IQSEC1: variants seen among roughly 807,000 people sequenced by gnomAD.
IQSEC1 encodes the protein IQ motif and Sec7 domain ArfGEF 1.
A neutral mutation model predicts 91.0 loss-of-function variants in IQSEC1; 31 were observed. That is an observed-to-expected ratio of 0.34 (90% CI 0.26 to 0.46). The LOEUF (loss-of-function observed/expected upper bound fraction) is 0.46. Ranked by LOEUF, IQSEC1 falls within the 20% of genes least tolerant of loss-of-function variation. The pLI is 1.00. For missense variants in IQSEC1, 1,388 were observed against 1,575.6 expected, an observed-to-expected ratio of 0.88 and a Z score of 2.02; for synonymous variants, 699 against 662.6, an observed-to-expected ratio of 1.05 and a Z score of -0.84.
Position 12,908,608 on chromosome 3 carries a change from C to T in IQSEC1, c.2579-83G>A. 6.9e-7 allele frequency: 1 copy of T among 1,457,124 alleles called. No homozygotes were observed. The highest frequency in any genetic ancestry group is 9.5e-7 in the Non-Finnish European group (1 of 1,052,082). The allele number at this position is 1,457,124 out of a possible 1,614,324, so 90.3% of individuals were successfully genotyped here. A position where few individuals can be genotyped will look rare whatever the true frequency, so the allele number is the denominator to read the frequency against. On this transcript the variant is annotated intron_variant, in intron 11 of 13. Coordinates refer to ENST00000613206, the MANE Select transcript of IQSEC1 (RefSeq NM_001134382.3). This position sits in a 1 kb window ranked among gnomAD's most constrained non-coding sequence, Gnocchi z 4.9. ...GACGGGGCCTTCTGCTTGGAGCTAG[C>T]ACTGTCCTGAGCCACCATCTGCTTG...
At chr3:13,271,221 C>A (rs1032709731) in intron 1 of IQSEC1, among the ~76,000 whole-genome samples, 1 of 151,832 alleles carries the variant, frequency 6.6e-6, no homozygotes, top group African/African-American at 2.4e-5. Context: ...ACTAAAAATA[C>A]GAAAAATTAG....
intron 1 of IQSEC1, among the ~76,000 whole-genome samples, chr3:13,199,412 G>A (rs568293702): frequency 1.4e-4 from 22 of 152,140 alleles, no homozygotes; most frequent in Non-Finnish European, 2.1e-4. Flanking sequence ...GACAGGGGCC[G>A]TCCAGGGACA....
In IQSEC1 at chr3:12,922,282, C is replaced by T; in HGVS notation, c.1731-40G>A. ...GACAGCCCCGCATAAGCACCCCTTG[C>T]AGGTGCGACACGCCCAGCCCACCCC... On this transcript the variant is annotated intron_variant, in intron 4 of 13. Transcript: ENST00000613206. This position sits in a 1 kb window ranked among gnomAD's most constrained non-coding sequence, Gnocchi z 5.1. 1 of 1,505,508 alleles carries T rather than the reference C, an allele frequency of 6.6e-7. No individual in the cohort carries two copies. Among genetic ancestry groups the T allele is most frequent in the Non-Finnish European group, 9.0e-7 (1 of 1,114,450 alleles). The allele number at this position is 1,505,508 out of a possible 1,614,324, so 93.3% of individuals were successfully genotyped here.
At chr3:13,208,672 G>A (rs1229241498) in intron 1 of IQSEC1, among the ~76,000 whole-genome samples, 1 of 152,232 alleles carries the variant, frequency 6.6e-6, no homozygotes, top group African/African-American at 2.4e-5. Flanking sequence ...GGGAACGAAT[G>A]AGCAGTTTCA....
chr3:13,090,892 CCA>C (rs752874520), intron 2 of IQSEC1, among the ~76,000 whole-genome samples: 44 of 152,294 alleles, frequency 2.9e-4, no homozygotes, highest in Non-Finnish European at 5.3e-4. Flanking sequence ...ACCCGGGTAT[CCA>C]CAGTTCCCTT....
chr3:12,985,625 G>C (rs1029661932), intron 1 of IQSEC1, among the ~76,000 whole-genome samples: 3 of 152,306 alleles, frequency 2.0e-5, no homozygotes, highest in African/African-American at 7.2e-5. Flanking sequence ...GGGTTCCCCA[G>C]GCCAGAGTGG....
At chr3:12,919,090 C>G (rs544781052) in intron 6 of IQSEC1, among the ~76,000 whole-genome samples, 5 of 91,644 alleles carry the variant, frequency 5.5e-5, no homozygotes, top group African/African-American at 3.0e-4. Flanking sequence ...TGAGAGGCCC[C>G]GGGTGGATGT....
chr3:13,167,291 A>C (rs1172853794), intron 1 of IQSEC1, among the ~76,000 whole-genome samples: 2 of 152,008 alleles, frequency 1.3e-5, no homozygotes, highest in African/African-American at 4.8e-5. Flanking sequence ...GAGAAGAGAG[A>C]AGGGCTAGGG....
intron 2 of IQSEC1, among the ~76,000 whole-genome samples, chr3:13,138,851 TC>T (rs1706753868): frequency 6.6e-6 from 1 of 151,938 alleles, no homozygotes; most frequent in East Asian, 2.0e-4. Flanking sequence ...GGAAGAACCT[TC>T]CTTGTTGCCC....
chr3:13,203,322 T>C (rs1694281105), intron 1 of IQSEC1, among the ~76,000 whole-genome samples: 1 of 152,190 alleles, frequency 6.6e-6, no homozygotes, highest in African/African-American at 2.4e-5. Flanking sequence ...CCACTAGTTC[T>C]TGGAAGCTGC....
At chr3:13,129,528 T>TA (rs1175567019) in intron 2 of IQSEC1, among the ~76,000 whole-genome samples, 3 of 152,172 alleles carry the variant, frequency 2.0e-5, no homozygotes, top group African/African-American at 7.2e-5. Flanking sequence ...AATTTGTTCT[T>TA]AAAAACAAAA....
intron 1 of IQSEC1, among the ~76,000 whole-genome samples, chr3:13,232,802 A>G (rs2125091017): frequency 6.6e-6 from 1 of 152,350 alleles, no homozygotes; most frequent in Admixed American, 6.5e-5. Context: ...TTGGAATCGA[A>G]TCCAACCATG....
At chr3:13,117,107 G>A (rs2124881215) in intron 2 of IQSEC1, among the ~76,000 whole-genome samples, 1 of 150,336 alleles carries the variant, frequency 6.7e-6, no homozygotes, top group Non-Finnish European at 1.5e-5. Context: ...GTATCCAGAG[G>A]ATATAAAGAA....
intron 6 of IQSEC1, 25 bp from the exon 7 acceptor site, chr3:12,915,758 T>G: frequency 6.2e-7 from 1 of 1,611,804 alleles, no homozygotes; most frequent in Non-Finnish European, 8.5e-7. Flanking sequence ...CAGCTGGATA[T>G]CAGGGTGGGC....
chr3:13,090,886 G>A (rs953744974), intron 2 of IQSEC1, among the ~76,000 whole-genome samples: 3 of 152,174 alleles, frequency 2.0e-5, no homozygotes, highest in Admixed American at 6.6e-5. Context: ...AATGGAACCC[G>A]GGTATCCACA....
intron 2 of IQSEC1, among the ~76,000 whole-genome samples, chr3:13,117,759 C>T (rs921886684): frequency 6.7e-6 from 1 of 149,572 alleles, no homozygotes; most frequent in African/African-American, 2.5e-5. Context: ...GTAGAGTGCA[C>T]CTGTAGTCCC....
chr3:13,006,911 C>G (rs567600243), intron 1 of IQSEC1, among the ~76,000 whole-genome samples: 2 of 152,232 alleles, frequency 1.3e-5, no homozygotes, highest in African/African-American at 2.4e-5. Context: ...ACTGGCGGAG[C>G]CCCTGCAGCC....
At chr3:13,219,531 G>T (rs1189339592) in intron 1 of IQSEC1, among the ~76,000 whole-genome samples, 1 of 152,262 alleles carries the variant, frequency 6.6e-6, no homozygotes, top group African/African-American at 2.4e-5. Flanking sequence ...CTCGCAGAGC[G>T]CTGCCTCATT....
intron 1 of IQSEC1, among the ~76,000 whole-genome samples, chr3:13,245,219 G>A (rs997571796): frequency 1.3e-5 from 2 of 152,174 alleles, no homozygotes; most frequent in Non-Finnish European, 2.9e-5. Flanking sequence ...AAGCCACGAA[G>A]CCACGGTGAG....
Sources: allele counts gnomAD v4.1 joint callset (sites outside exome capture counted in the v4.1 genomes callset), GRCh38; gene constraint gnomAD v4.1.1; non-coding constraint Gnocchi (gnomAD v3.1); transcripts MANE v1.5; gene names NCBI Gene and HGNC (gene_info 2026-07-23, HGNC 2026-07-21).